XKR4: variants seen among roughly 807,000 people sequenced by gnomAD.
XKR4 encodes the protein XK related 4.
A neutral mutation model predicts 53.9 loss-of-function variants in XKR4; 12 were observed. The observed-to-expected ratio is 0.22, with a 90% CI of 0.14 to 0.36. XKR4 has a LOEUF of 0.36. Ranked by LOEUF, XKR4 falls within the 10% of genes least tolerant of loss-of-function variation. The pLI is 1.00. For missense variants in XKR4, 799 were observed against 859.5 expected (o/e 0.93, Z 0.88); for synonymous variants, 354 against 362.4 (o/e 0.98, Z 0.26).
At chr8:55,205,017 T>C (rs1467697425) in intron 1 of XKR4, among the ~76,000 whole-genome samples, 2 of 152,178 alleles carry the variant, frequency 1.3e-5, no homozygotes, top group Non-Finnish European at 2.9e-5. Flanking sequence ...GTGTTCCTAA[T>C]TGCTGCCGAC....
intron 1 of XKR4, among the ~76,000 whole-genome samples, chr8:55,191,313 CA>C (rs1817441839): frequency 6.6e-6 from 1 of 152,206 alleles, no homozygotes; most frequent in Non-Finnish European, 1.5e-5. Flanking sequence ...GCAGGGATTG[CA>C]GAGTGGCCAG....
intron 1 of XKR4, among the ~76,000 whole-genome samples, chr8:55,350,833 A>G (rs1352242839): frequency 7.1e-6 from 1 of 141,574 alleles, no homozygotes; most frequent in African/African-American, 2.7e-5. Flanking sequence ...TCTGCCTCCC[A>G]GGTTCAAGTG....
At chr8:55,310,795 C>T (rs7840877) in intron 1 of XKR4, among the ~76,000 whole-genome samples, 19,020 of 152,092 alleles carry the variant, frequency 0.13, 1,487 homozygotes, top group Non-Finnish European at 0.18. Context: ...GTGGGAGATT[C>T]GTGAGAAAAG....
intron 2 of XKR4, among the ~76,000 whole-genome samples, chr8:55,396,657 G>A (rs75500941): frequency 0.022 from 3,421 of 152,174 alleles, 57 homozygotes; most frequent in Middle Eastern, 0.044. Context: ...TTTAGGACAG[G>A]GAGGTAAAGC....
intron 2 of XKR4, among the ~76,000 whole-genome samples, chr8:55,443,232 TTAA>T (rs1272759483): frequency 6.6e-6 from 1 of 152,044 alleles, no homozygotes; most frequent in Non-Finnish European, 1.5e-5. Flanking sequence ...TAAATAAGTA[TTAA>T]TAAACTGAAT....
At chr8:55,282,076 T>G (rs1047305661) in intron 1 of XKR4, among the ~76,000 whole-genome samples, 7 of 152,198 alleles carry the variant, frequency 4.6e-5, no homozygotes, top group African/African-American at 1.7e-4. Context: ...AGAGAGATTC[T>G]GGTCCAAAAC....
At chr8:55,103,451 T>A (rs1816088338) in intron 1 of XKR4, among the ~76,000 whole-genome samples, 157 bp downstream of exon 1, 1 of 152,138 alleles carries the variant, frequency 6.6e-6, no homozygotes, top group Admixed American at 6.5e-5. Context: ...CTTGCATTTT[T>A]AAAATTTGCA....
chr8:55,111,460 T>C (rs530661048), intron 1 of XKR4, among the ~76,000 whole-genome samples: 1 of 152,240 alleles, frequency 6.6e-6, no homozygotes, highest in South Asian at 2.1e-4. Context: ...TCCAAGGGGA[T>C]ATACAAGGGA....
intron 1 of XKR4, among the ~76,000 whole-genome samples, chr8:55,135,947 G>A (rs1009059661): frequency 6.6e-6 from 1 of 150,682 alleles, no homozygotes; most frequent in South Asian, 2.1e-4. Flanking sequence ...AGGCTGGAGT[G>A]CAGTGGCACG....
At chr8:55,444,750 G>A (rs1805321240) in intron 2 of XKR4, among the ~76,000 whole-genome samples, 1 of 152,152 alleles carries the variant, frequency 6.6e-6, no homozygotes, top group African/African-American at 2.4e-5. Flanking sequence ...TGTATTTTAT[G>A]TACTATCACT....
At chr8:55,410,921 T>A (rs1804767434) in intron 2 of XKR4, among the ~76,000 whole-genome samples, 1 of 152,112 alleles carries the variant, frequency 6.6e-6, no homozygotes, top group South Asian at 2.1e-4. Context: ...CTCCCCACCC[T>A]TCCCAAGACA....
At chr8:55,329,649 C>T (rs1489603197) in intron 1 of XKR4, among the ~76,000 whole-genome samples, 5 of 152,126 alleles carry the variant, frequency 3.3e-5, no homozygotes, top group Non-Finnish European at 5.9e-5. Context: ...ACTTCCTAGG[C>T]TTTCTGTAGG....
At chr8:55,212,055 T>C (rs976986427) in intron 1 of XKR4, among the ~76,000 whole-genome samples, 2 of 151,904 alleles carry the variant, frequency 1.3e-5, no homozygotes, top group African/African-American at 4.8e-5. Context: ...TCAAAGACTT[T>C]CTGATTGGCA....
intron 2 of XKR4, among the ~76,000 whole-genome samples, chr8:55,409,875 C>T (rs1293764130): frequency 6.6e-6 from 1 of 152,078 alleles, no homozygotes; most frequent in Non-Finnish European, 1.5e-5. Context: ...GTGGAGAAAG[C>T]ACAGCTGCAG....
chr8:55,427,183 A>T (rs865858728), intron 2 of XKR4, among the ~76,000 whole-genome samples: 1 of 152,350 alleles, frequency 6.6e-6, no homozygotes, highest in East Asian at 1.9e-4. Flanking sequence ...CTTATAAATG[A>T]TGCTCTACTA....
intron 2 of XKR4, among the ~76,000 whole-genome samples, chr8:55,501,798 A>C (rs2129403576): frequency 6.6e-6 from 1 of 152,284 alleles, no homozygotes; most frequent in Middle Eastern, 3.4e-3. Flanking sequence ...ATGGGTGAAC[A>C]AATATCTTTT....
intron 2 of XKR4, among the ~76,000 whole-genome samples, chr8:55,514,132 T>C (rs1215765910): frequency 6.6e-6 from 1 of 152,138 alleles, no homozygotes; most frequent in Non-Finnish European, 1.5e-5. Flanking sequence ...TCTCTAATCC[T>C]CAGTTTTTTC....
intron 1 of XKR4, among the ~76,000 whole-genome samples, chr8:55,302,534 AAGTC>A (rs1457282546): frequency 3.3e-5 from 5 of 152,216 alleles, no homozygotes; most frequent in Non-Finnish European, 7.3e-5. Context: ...TCTGTGAAGA[AAGTC>A]ATTGGTAGCT....
rs546289736 is a variant in XKR4 at position 55,288,501 on chromosome 8, G to A, written c.807-69177G>A. Among the ~76,000 whole-genome samples, 49 of 152,270 alleles carry A rather than the reference G, an allele frequency of 3.2e-4. 1 individual carries two copies. Among genetic ancestry groups the A allele is most frequent in the African/African-American group, 1.2e-3 (48 of 41,544 alleles). On this transcript the variant is annotated intron_variant, in intron 1 of 2. Coordinates refer to ENST00000327381, the MANE Select transcript of XKR4 (RefSeq NM_052898.2). ...CAGATATTTTAATTCACTTGTAAATGTAATTTCAGGTTCATCCTACTAGTA... is the reference window on the plus strand; with the variant it reads ...CAGATATTTTAATTCACTTGTAAATATAATTTCAGGTTCATCCTACTAGTA...
Sources: gnomAD v4.1 joint callset for allele counts (sites outside exome capture counted in the v4.1 genomes callset) on GRCh38, gnomAD v4.1.1 for gene constraint, MANE v1.5 for transcripts, NCBI Gene and HGNC (gene_info 2026-07-23, HGNC 2026-07-21) for gene names.